CAMTA1: variants seen among roughly 807,000 people sequenced by gnomAD.
The protein encoded by CAMTA1 is calmodulin-binding transcription activator 1.
Under a neutral mutation model 170.9 loss-of-function variants are expected in CAMTA1, and 27 were observed. The observed-to-expected ratio is 0.16, with a 90% CI of 0.12 to 0.22. The LOEUF (loss-of-function observed/expected upper bound fraction) is 0.22, where lower values mean the gene tolerates loss of function less well. Ranked by LOEUF, CAMTA1 falls within the 10% of genes least tolerant of loss-of-function variation. CAMTA1 has a pLI of 1.00. For synonymous variants in CAMTA1, 833 were observed against 891.5 expected, an observed-to-expected ratio of 0.93 and a Z score of 1.17; for missense variants, 1,619 against 2,217.2, an observed-to-expected ratio of 0.73 and a Z score of 5.42.
intron 18 of CAMTA1, 31 bp from the exon 19 acceptor site, chr1:7,747,679 T>C: frequency 6.7e-7 from 1 of 1,501,090 alleles, no homozygotes; most frequent in Non-Finnish European, 9.1e-7. Flanking sequence ...TAATCATTAC[T>C]GATTTTTTTT....
chr1:7,418,202 GT>G (rs2091325010), intron 5 of CAMTA1, among the ~76,000 whole-genome samples: 3 of 152,058 alleles, frequency 2.0e-5, no homozygotes, highest in Admixed American at 2.0e-4. Context: ...ACTTCTTTTT[GT>G]TGTTGTTGTT....
intron 4 of CAMTA1, among the ~76,000 whole-genome samples, chr1:7,238,611 T>TG (rs1394865155): frequency 2.0e-5 from 3 of 152,212 alleles, no homozygotes; most frequent in African/African-American, 7.2e-5. Flanking sequence ...GGGCCAGGTG[T>TG]GGTGGTTCAT....
In CAMTA1 at chr1:7,580,229, C is replaced by T. The variant is rs1240277759; in HGVS notation, c.511-60171C>T. Among the ~76,000 whole-genome samples, 1 of 152,216 alleles carries T rather than the reference C, an allele frequency of 6.6e-6. No homozygotes were observed. Among genetic ancestry groups the T allele is most frequent in the Non-Finnish European group, 1.5e-5 (1 of 68,044 alleles). On this transcript the variant is annotated intron_variant, in intron 6 of 22. Coordinates refer to ENST00000303635, the MANE Select transcript of CAMTA1 (RefSeq NM_015215.4). The surrounding 1 kb of genome is among the most constrained non-coding windows in gnomAD (Gnocchi z 4.3). ...GTTCAGACCAGAAGAGGAAGGAGGG[C>T]TCCCTCCCCCTGGGGCTGTGGAGGC...
rs74591318 is a variant in CAMTA1 at position 7,757,688 on chromosome 1, A to G, written c.4989+2020A>G. ...GAGGCAGAGGTTGCAGTGAGCCAAG[A>G]TTGTGCCACTGCACTCCAGCCTGGG... On this transcript the variant is annotated intron_variant, in intron 22 of 22. Coordinates refer to ENST00000303635, the MANE Select transcript of CAMTA1 (RefSeq NM_015215.4). Among the ~76,000 whole-genome samples, 2,242 of 152,200 alleles carry G rather than the reference A, an allele frequency of 0.015. 195 individuals carry two copies. In the East Asian group the frequency reaches 0.27, roughly 18 times the overall value.
chr1:6,902,080 AAAAT>A (rs1208715319), intron 3 of CAMTA1, among the ~76,000 whole-genome samples: 6 of 121,540 alleles, frequency 4.9e-5, no homozygotes, highest in East Asian at 2.0e-4. Flanking sequence ...CACAAAAAAA[AAAAT>A]AAAAATAAAA....
At chr1:7,103,706 G>C (rs1643123205) in intron 4 of CAMTA1, among the ~76,000 whole-genome samples, 1 of 145,058 alleles carries the variant, frequency 6.9e-6, no homozygotes, top group Non-Finnish European at 1.5e-5. Flanking sequence ...CTACACATAT[G>C]TATACATGAC....
intron 3 of CAMTA1, among the ~76,000 whole-genome samples, chr1:7,034,373 C>G (rs1558002026): frequency 6.6e-6 from 1 of 152,124 alleles, no homozygotes; most frequent in Non-Finnish European, 1.5e-5. Context: ...CCGGGCTGGT[C>G]TTGAACACCT....
chr1:7,012,609 C>T (rs546491588), intron 3 of CAMTA1, among the ~76,000 whole-genome samples: 3 of 152,316 alleles, frequency 2.0e-5, no homozygotes, highest in Admixed American at 2.0e-4. Context: ...CTTCTCAGTC[C>T]TCGCCCTTGC....
At chr1:6,862,501 C>T (rs1017343200) in intron 3 of CAMTA1, among the ~76,000 whole-genome samples, 3 of 152,182 alleles carry the variant, frequency 2.0e-5, no homozygotes, top group Non-Finnish European at 2.9e-5. Context: ...GAGAGCCAGA[C>T]GTCTTGAAAG....
At chr1:6,998,701 G>A (rs1268219224) in intron 3 of CAMTA1, among the ~76,000 whole-genome samples, 1 of 152,160 alleles carries the variant, frequency 6.6e-6, no homozygotes, top group Non-Finnish European at 1.5e-5. Context: ...CATATCCCTG[G>A]CATCTTGCTG....
At chr1:7,544,124 C>T (rs969201180) in intron 6 of CAMTA1, among the ~76,000 whole-genome samples, 3 of 151,992 alleles carry the variant, frequency 2.0e-5, no homozygotes, top group Non-Finnish European at 4.4e-5. Flanking sequence ...GAAAAAGAGG[C>T]TTAATTGGAC....
intron 3 of CAMTA1, among the ~76,000 whole-genome samples, chr1:6,888,941 A>C (rs1433546904): frequency 2.0e-5 from 3 of 152,218 alleles, no homozygotes; most frequent in Non-Finnish European, 4.4e-5. Flanking sequence ...AATTGTTTAA[A>C]GAACTGAAAC....
At chr1:7,040,393 A>G (rs999399569) in intron 3 of CAMTA1, among the ~76,000 whole-genome samples, 1 of 152,152 alleles carries the variant, frequency 6.6e-6, no homozygotes, top group Non-Finnish European at 1.5e-5. Flanking sequence ...GACGGACTGT[A>G]ATGGTTGCTT....
intron 6 of CAMTA1, among the ~76,000 whole-genome samples, chr1:7,626,778 G>T (rs1302328287): frequency 6.6e-6 from 1 of 152,172 alleles, no homozygotes; most frequent in Admixed American, 6.5e-5. Context: ...ATGGAAGGGG[G>T]TTGATAAGTT....
intron 11 of CAMTA1, among the ~76,000 whole-genome samples, chr1:7,711,211 G>C (rs1245491601): frequency 6.6e-6 from 1 of 152,130 alleles, no homozygotes; most frequent in Non-Finnish European, 1.5e-5. Flanking sequence ...GTTGCTCTCT[G>C]GGGTCCCTTT....
intron 4 of CAMTA1, among the ~76,000 whole-genome samples, chr1:7,109,598 C>A (rs139042026): frequency 6.6e-6 from 1 of 152,174 alleles, no homozygotes; most frequent in Non-Finnish European, 1.5e-5. Context: ...CAGACAGACA[C>A]GACTCATTGA....
chr1:7,297,788 GT>G (rs1348341069), intron 5 of CAMTA1, among the ~76,000 whole-genome samples: 5 of 151,960 alleles, frequency 3.3e-5, no homozygotes, highest in Admixed American at 2.0e-4. Context: ...TATCTTGTGT[GT>G]TTTTTTTCTG....
At chr1:7,568,087 CCAT>C (rs1192454688) in intron 6 of CAMTA1, among the ~76,000 whole-genome samples, 5 of 151,752 alleles carry the variant, frequency 3.3e-5, no homozygotes, top group Non-Finnish European at 5.9e-5. Flanking sequence ...ACCACCATCT[CCAT>C]CATCATCATC....
At chr1:7,519,123 G>C (rs2094326840) in intron 6 of CAMTA1, among the ~76,000 whole-genome samples, 1 of 152,094 alleles carries the variant, frequency 6.6e-6, no homozygotes, top group Admixed American at 6.5e-5. Flanking sequence ...TCATAAACAG[G>C]TGCTCTAATT....
Sources: allele counts gnomAD v4.1 joint callset (sites outside exome capture counted in the v4.1 genomes callset), GRCh38; gene constraint gnomAD v4.1.1; non-coding constraint Gnocchi (gnomAD v3.1); transcripts MANE v1.5; gene names NCBI Gene and HGNC (gene_info 2026-07-23, HGNC 2026-07-21).